Variants in FER observed in about 807,000 individuals in gnomAD.
FER encodes tyrosine-protein kinase Fer.
Under a neutral mutation model 111.0 loss-of-function variants are expected in FER, and 63 were observed. The observed-to-expected ratio is 0.57, with a 90% CI of 0.46 to 0.70. The LOEUF is 0.70. Among genes scored for constraint, FER ranks in the 30% least tolerant of loss-of-function variants. FER has a pLI of 0.00. For missense variants in FER, 914 were observed against 954.0 expected, an observed-to-expected ratio of 0.96 and a Z score of 0.55; for synonymous variants, 327 against 313.9, an observed-to-expected ratio of 1.04 and a Z score of -0.44.
intron 16 of FER, among the ~76,000 whole-genome samples, chr5:109,092,734 T>G (rs927031295): frequency 1.6e-4 from 24 of 152,308 alleles, no homozygotes; most frequent in African/African-American, 5.3e-4. Flanking sequence ...AACTACCATA[T>G]AATCTAGCCA....
chr5:108,864,639 G>C (rs1399951213), intron 5 of FER, among the ~76,000 whole-genome samples: 3 of 152,108 alleles, frequency 2.0e-5, no homozygotes, highest in East Asian at 1.9e-4. Context: ...GCTTGTTTTT[G>C]TCAGGGTTGT....
chr5:109,160,151 T>A (rs13359297), intron 17 of FER, among the ~76,000 whole-genome samples: 3,656 of 152,236 alleles, frequency 0.024, 64 homozygotes, highest in South Asian at 0.071. Context: ...CCGAATAGAT[T>A]TCTTCCCCTA....
At chr5:108,750,420 C>G (rs1750349183) in intron 1 of FER, among the ~76,000 whole-genome samples, 1 of 152,200 alleles carries the variant, frequency 6.6e-6, no homozygotes, top group South Asian at 2.1e-4. Context: ...GAAAGCTTTT[C>G]TGCTAGTACT....
chr5:108,969,616 T>TTTTTTTTTTTTTTTTTTTGAGACG (rs1561695264), intron 13 of FER, among the ~76,000 whole-genome samples: 18 of 149,044 alleles, frequency 1.2e-4, no homozygotes, highest in African/African-American at 3.9e-4. Context: ...TTAATTTTTT[T>TTTTTTTTTTTTTTTTTTTGAGACG]GAACACTGTG....
chr5:109,122,613 A>T (rs575574635), intron 17 of FER, among the ~76,000 whole-genome samples: 6 of 152,044 alleles, frequency 3.9e-5, no homozygotes, highest in East Asian at 1.9e-4. Context: ...ATTAAGTTCA[A>T]TGTGTCTTTG....
intron 17 of FER, among the ~76,000 whole-genome samples, chr5:109,167,456 A>C (rs900450241): frequency 6.6e-6 from 1 of 152,144 alleles, no homozygotes; most frequent in Non-Finnish European, 1.5e-5. Context: ...TTCCCAGATC[A>C]AATAACCAGA....
At chr5:109,180,589 C>T (rs1191119779) in intron 17 of FER, among the ~76,000 whole-genome samples, 158 bp from the exon 18 acceptor site, 1 of 152,116 alleles carries the variant, frequency 6.6e-6, no homozygotes, top group African/African-American at 2.4e-5. Flanking sequence ...ATGTTTTTTA[C>T]CTATGACAGA....
Position 108,813,617 on chromosome 5 carries a change from C to G in FER, c.207+15228C>G, listed in dbSNP as rs549051571. ...GGTTAGTTTTTATTGTTGTCTTCTA[C>G]TTCACTAATCTTACTTTTATTCAAT... On this transcript the variant is annotated intron_variant, in intron 3 of 19. Transcript: ENST00000281092. Among the ~76,000 whole-genome samples, 240 of 152,122 alleles carry G rather than the reference C, an allele frequency of 1.6e-3. 1 individual carries two copies. In the Middle Eastern group the frequency reaches 0.024, roughly 15 times the overall value.
intron 16 of FER, among the ~76,000 whole-genome samples, chr5:109,058,656 G>T (rs1773948060): frequency 1.4e-5 from 2 of 145,578 alleles, no homozygotes; most frequent in South Asian, 4.5e-4. Context: ...TGAAAATAGG[G>T]CCAAAATAAC....
At chr5:108,935,650 T>A (rs1755362513) in intron 10 of FER, among the ~76,000 whole-genome samples, 1 of 152,070 alleles carries the variant, frequency 6.6e-6, no homozygotes, top group Admixed American at 6.6e-5. Context: ...GTGGGTGAAA[T>A]CTTTAACTTG....
intron 5 of FER, among the ~76,000 whole-genome samples, chr5:108,844,041 CATATATATGTGTGTGAACATAT>C (rs201634534): frequency 6.3e-5 from 6 of 95,470 alleles, no homozygotes; most frequent in African/African-American, 2.6e-4. Context: ...TGTGTGTGAA[CATATATATGTGTGTGAACATAT>C]ATATGTGTGT....
At chr5:109,100,242 T>C (rs1748065470) in intron 16 of FER, among the ~76,000 whole-genome samples, 154 bp from the exon 17 acceptor site, 1 of 151,792 alleles carries the variant, frequency 6.6e-6, no homozygotes, top group African/African-American at 2.4e-5. Context: ...TTTTCATGTT[T>C]TCTGTTATCC....
At chr5:108,850,526 T>A (rs1038902382) in intron 5 of FER, among the ~76,000 whole-genome samples, 1 of 152,278 alleles carries the variant, frequency 6.6e-6, no homozygotes, top group Middle Eastern at 3.4e-3. Flanking sequence ...TGATCTCATG[T>A]GAAATGAGAA....
At chr5:109,102,106 T>A (rs550254728) in intron 17 of FER, among the ~76,000 whole-genome samples, 1 of 152,258 alleles carries the variant, frequency 6.6e-6, no homozygotes, top group South Asian at 2.1e-4. Context: ...TAAATGCCTA[T>A]GTCATGAGAA....
intron 13 of FER, among the ~76,000 whole-genome samples, chr5:108,980,403 C>T (rs1761899888): frequency 6.6e-6 from 1 of 152,074 alleles, no homozygotes; most frequent in Admixed American, 6.6e-5. Flanking sequence ...AAAATTTTTG[C>T]ATAAATTGAA....
intron 16 of FER, among the ~76,000 whole-genome samples, chr5:109,063,139 A>G (rs1185012952): frequency 6.6e-6 from 1 of 152,216 alleles, no homozygotes; most frequent in Non-Finnish European, 1.5e-5. Flanking sequence ...AGATTTCCAT[A>G]TAAATCTTTC....
intron 10 of FER, among the ~76,000 whole-genome samples, chr5:108,904,458 C>T (rs916890598): frequency 6.6e-6 from 1 of 151,876 alleles, no homozygotes; most frequent in African/African-American, 2.4e-5. Context: ...AAGGAGGAAC[C>T]AAAAGGAAGC....
intron 16 of FER, among the ~76,000 whole-genome samples, chr5:109,065,156 C>G (rs1774929993): frequency 6.6e-6 from 1 of 152,068 alleles, no homozygotes; most frequent in Non-Finnish European, 1.5e-5. Context: ...CAGTGAGTAT[C>G]AGTATGAAAT....
intron 3 of FER, among the ~76,000 whole-genome samples, chr5:108,817,382 A>T (rs1177889026): frequency 6.6e-6 from 1 of 152,176 alleles, no homozygotes; most frequent in Non-Finnish European, 1.5e-5. Flanking sequence ...GGGCAAACTC[A>T]CAATAAAAAC....
Sources: allele counts gnomAD v4.1 joint callset (sites outside exome capture counted in the v4.1 genomes callset), GRCh38; gene constraint gnomAD v4.1.1; transcripts MANE v1.5; gene names NCBI Gene and HGNC (gene_info 2026-07-23, HGNC 2026-07-21).